Variants in NAV3 observed in about 807,000 individuals in gnomAD.
NAV3 encodes neuron navigator 3.
Under a neutral mutation model 244.7 loss-of-function variants are expected in NAV3, and 87 were observed. The observed-to-expected ratio is 0.36, with a 90% confidence interval of 0.30 to 0.42. The LOEUF (loss-of-function observed/expected upper bound fraction) is 0.42, where lower values mean the gene tolerates loss of function less well. Ranked by LOEUF, NAV3 falls within the 20% of genes least tolerant of loss-of-function variation. The pLI is 1.00. For missense variants in NAV3, 2,663 were observed against 2,893.3 expected (o/e 0.92, Z 1.83); for synonymous variants, 1,126 against 1,042.2 (o/e 1.08, Z -1.55).
At chr12:78,093,681 T>C (rs1245674544) in intron 12 of NAV3, among the ~76,000 whole-genome samples, 1 of 152,104 alleles carries the variant, frequency 6.6e-6, no homozygotes, top group East Asian at 1.9e-4. Flanking sequence ...ATCTAACTAT[T>C]AGAAAAAAAT....
chr12:77,654,066 C>T (rs1244000977), intron 2 of NAV3, among the ~76,000 whole-genome samples: 1 of 152,208 alleles, frequency 6.6e-6, no homozygotes, highest in East Asian at 1.9e-4. Flanking sequence ...ATCTGAGGTA[C>T]CGGGTTCATC....
In NAV3 at chr12:78,006,504, C is replaced by T. The variant is rs200037827; in HGVS notation, c.966C>T (p.Ala322=). The change falls in exon 8 of 40, where the codon GCC becomes GCT. Residue 322 remains alanine, a synonymous_variant. Coordinates refer to ENST00000397909, the MANE Select transcript of NAV3 (RefSeq NM_001024383.2). The part of the protein sequence containing the change: ...PSTAGQPPAS[A]IPSPSASKPW... The stretch of plus-strand genomic sequence containing the variant: ...CTGCTGGGCAGCCTCCTGCCTCTGC[C>T]ATCCCTTCTCCAAGTGCCAGCAAGC... 9.3e-6 allele frequency: 15 copies of T among 1,614,038 alleles called. No homozygotes were observed. Among genetic ancestry groups the T allele is most frequent in the Non-Finnish European group, 1.2e-5 (14 of 1,180,020 alleles).
chr12:77,965,115 C>A (rs986717154), intron 3 of NAV3, among the ~76,000 whole-genome samples: 2 of 152,124 alleles, frequency 1.3e-5, no homozygotes, highest in Non-Finnish European at 2.9e-5. Flanking sequence ...TTTTAAATCT[C>A]TTCTTTATTG....
intron 8 of NAV3, among the ~76,000 whole-genome samples, chr12:78,014,301 T>C (rs1349497028): frequency 6.6e-6 from 1 of 152,008 alleles, no homozygotes; most frequent in Admixed American, 6.6e-5. Context: ...AAAGCAAACA[T>C]GAAGAGGCAA....
intron 18 of NAV3, among the ~76,000 whole-genome samples, chr12:78,133,096 C>T (rs1031447536): frequency 2.0e-5 from 3 of 152,000 alleles, no homozygotes; most frequent in Admixed American, 6.6e-5. Flanking sequence ...CTTACTCTGT[C>T]GACTCCCTTA....
intron 37 of NAV3, among the ~76,000 whole-genome samples, chr12:78,199,994 A>G (rs1478708794): frequency 1.3e-5 from 2 of 152,092 alleles, no homozygotes; most frequent in Non-Finnish European, 2.9e-5. Context: ...GCATAAAGAT[A>G]TTTACATTTT....
intron 1 of NAV3, among the ~76,000 whole-genome samples, chr12:77,866,765 A>G (rs1048415345): frequency 6.6e-6 from 1 of 152,240 alleles, no homozygotes; most frequent in African/African-American, 2.4e-5. Flanking sequence ...TCAAATGGAA[A>G]TAAATCCTCT....
intron 2 of NAV3, among the ~76,000 whole-genome samples, chr12:77,709,010 G>A (rs953803131): frequency 1.3e-5 from 2 of 152,206 alleles, no homozygotes; most frequent in East Asian, 1.9e-4. Flanking sequence ...CTGCAAACAG[G>A]GACAATTTGA....
intron 1 of NAV3, among the ~76,000 whole-genome samples, chr12:77,878,786 ATT>A (rs11331788): frequency 3.4e-5 from 5 of 145,956 alleles, no homozygotes; most frequent in Admixed American, 6.9e-5. Flanking sequence ...TAATTCTATC[ATT>A]TTTTTTTTTA....
rs552484810 is a variant in NAV3 at position 78,025,204 on chromosome 12, T to G, written c.2023+3342T>G. On this transcript the variant is annotated intron_variant, in intron 9 of 39. Coordinates refer to ENST00000397909, the MANE Select transcript of NAV3 (RefSeq NM_001024383.2). ...ATCAAGTCTCAGGGCTTATCTTATT[T>G]CACCTCACAGCAGCTATTTGTCCTC... is the stretch of plus-strand genomic sequence containing the variant. 3.9e-5 allele frequency among the ~76,000 whole-genome samples: 6 copies of G among 152,236 alleles called. No homozygotes were observed. The East Asian group carries it at 1.2e-3, about 29-fold the overall frequency.
intron 2 of NAV3, among the ~76,000 whole-genome samples, chr12:77,664,592 A>G (rs562129337): frequency 1.3e-5 from 2 of 152,346 alleles, no homozygotes; most frequent in East Asian, 3.8e-4. Context: ...GATAAGGTTT[A>G]CACTTACAGT....
intron 2 of NAV3, among the ~76,000 whole-genome samples, chr12:77,721,748 G>T (rs1876641996): frequency 6.6e-6 from 1 of 152,078 alleles, no homozygotes; most frequent in African/African-American, 2.4e-5. Context: ...TACTCTATGG[G>T]AATGTAGCAA....
intron 1 of NAV3, among the ~76,000 whole-genome samples, chr12:77,891,881 A>G (rs368715554): frequency 6.6e-6 from 1 of 152,024 alleles, no homozygotes; most frequent in East Asian, 1.9e-4. Flanking sequence ...GTGTCATTGA[A>G]CCCTTCATTC....
At chr12:77,865,042 T>C (rs1186251688) in intron 1 of NAV3, among the ~76,000 whole-genome samples, 2 of 152,036 alleles carry the variant, frequency 1.3e-5, no homozygotes, top group African/African-American at 2.4e-5. Context: ...CTTATGGGCA[T>C]TAAATGTAAC....
At chr12:77,911,232 T>C (rs1886554459) in intron 1 of NAV3, among the ~76,000 whole-genome samples, 1 of 152,102 alleles carries the variant, frequency 6.6e-6, no homozygotes. Flanking sequence ...CTGGACTTTT[T>C]GATAAAAGGC....
At chr12:77,681,229 A>G (rs1255730406) in intron 2 of NAV3, among the ~76,000 whole-genome samples, 1 of 152,184 alleles carries the variant, frequency 6.6e-6, no homozygotes, top group East Asian at 1.9e-4. Flanking sequence ...GAGCAATAAA[A>G]TTAAAAGTCA....
intron 7 of NAV3, among the ~76,000 whole-genome samples, chr12:78,001,876 G>A (rs1186002409): frequency 6.6e-6 from 1 of 152,158 alleles, no homozygotes; most frequent in Non-Finnish European, 1.5e-5. Context: ...TTTTGAGAGT[G>A]CTTCAGTTTC....
chr12:77,815,655 C>T (rs1408833990), intron 2 of NAV3, among the ~76,000 whole-genome samples: 1 of 152,066 alleles, frequency 6.6e-6, no homozygotes, highest in East Asian at 1.9e-4. Context: ...TTATATTAGA[C>T]CATCACAGTT....
Position 78,087,237 on chromosome 12 carries a change from C to T in NAV3, c.2636+28122C>T, listed in dbSNP as rs146701062. Among the ~76,000 whole-genome samples, 357 of 152,060 alleles carry T rather than the reference C, an allele frequency of 2.3e-3. 2 individuals are homozygous for T. The highest frequency in any genetic ancestry group is 7.8e-3 in the African/African-American group (323 of 41,536). On this transcript the variant is annotated intron_variant, in intron 12 of 39. Transcript: ENST00000397909. Reference sequence around the variant, plus strand: ...ATCAAGGATTTCTTTGCTGAGCTGCCAAGATACATAAATCTTCTATGAGAA... The same window carrying T: ...ATCAAGGATTTCTTTGCTGAGCTGCTAAGATACATAAATCTTCTATGAGAA...
Sources: allele counts gnomAD v4.1 joint callset (sites outside exome capture counted in the v4.1 genomes callset), GRCh38; gene constraint gnomAD v4.1.1; transcripts MANE v1.5; gene names NCBI Gene and HGNC (gene_info 2026-07-23, HGNC 2026-07-21).